The following AGPAT5 variants were observed in gnomAD, a reference collection of about 807,000 sequenced individuals.
AGPAT5 encodes the protein 1-acylglycerol-3-phosphate O-acyltransferase 5, also known as 1-acyl-sn-glycerol-3-phosphate acyltransferase epsilon.
AGPAT5 carries 46 observed loss-of-function variants against 45.6 expected under a neutral mutation model. The observed-to-expected ratio is 1.01, with a 90% CI of 0.80 to 1.29. The LOEUF is 1.29. Among genes scored for constraint, AGPAT5 ranks in the 50% most tolerant of loss-of-function variants. The pLI is 0.00. For synonymous variants in AGPAT5, 272 were observed against 167.0 expected (o/e 1.63, Z -4.85); for missense variants, 673 against 450.7 (o/e 1.49, Z -4.47).
At chr8:6,727,659 G>A (rs962225547) in intron 2 of AGPAT5, among the ~76,000 whole-genome samples, 1 of 152,246 alleles carries the variant, frequency 6.6e-6, no homozygotes, top group Non-Finnish European at 1.5e-5. Context: ...GGGATTACAG[G>A]CGTGAGCCAC....
At chr8:6,740,646 T>A in intron 4 of AGPAT5, among the ~76,000 whole-genome samples, 1 of 152,032 alleles carries the variant, frequency 6.6e-6, no homozygotes, top group Non-Finnish European at 1.5e-5. Context: ...ACGAAATTTT[T>A]AGATACCATT....
chr8:6,730,319 T>TGGATTGTTGCTGACATC, intron 2 of AGPAT5, among the ~76,000 whole-genome samples: 2 of 14,730 alleles, frequency 1.4e-4, no homozygotes, highest in Non-Finnish European at 2.5e-4. Flanking sequence ...ATCATAGGAC[T>TGGATTGTTGCTGACATC]TTTTTTTTTT....
chr8:6,732,599 C>A lies in AGPAT5; in HGVS notation c.444C>A (p.Asn148Lys). ...ATGTAAAGCGCAGTGCCAAATTTAA[C>A]GAGAAAGAGATGCGAAACAAGTTGC... Reference protein sequence around the residue: ...GIYVKRSAKFNEKEMRNKLQS... With the variant: ...GIYVKRSAKFKEKEMRNKLQS... The change falls in exon 4 of 8, where the codon AAC becomes AAA. Residue 148 changes from asparagine to lysine, a missense_variant. Coordinates refer to ENST00000285518, the MANE Select transcript of AGPAT5 (RefSeq NM_018361.5). 6.2e-7 allele frequency: 1 copy of A among 1,610,812 alleles called. No homozygotes were observed. Among genetic ancestry groups the A allele is most frequent in the Non-Finnish European group, 8.5e-7 (1 of 1,179,118 alleles).
rs182197525 is a variant in AGPAT5, at chr8:6,708,653, C to T, written c.-16C>T. Reference sequence around the variant, plus strand: ...CGGGGAGCGCAGGCGGAGCTCGCTGCCGCCGAGCTGAGAAGATGCTGCTGT... The same window carrying T: ...CGGGGAGCGCAGGCGGAGCTCGCTGTCGCCGAGCTGAGAAGATGCTGCTGT... On this transcript the variant is annotated 5_prime_UTR_variant, in exon 1 of 8. Coordinates refer to ENST00000285518, the MANE Select transcript of AGPAT5 (RefSeq NM_018361.5). The T allele has an allele frequency of 1.3e-6, 2 of 1,520,422 alleles. No homozygotes were observed. The highest frequency in any genetic ancestry group is 1.8e-6 in the Non-Finnish European group (2 of 1,138,546). 94.2% of individuals were successfully genotyped at this position (1,520,422 alleles called of 1,614,324 possible). A position where few individuals can be genotyped will look rare whatever the true frequency, so the allele number is the denominator to read the frequency against.
At chr8:6,735,848 CCTTTTTTTTTTT>C (rs1471435222) in intron 4 of AGPAT5, among the ~76,000 whole-genome samples, 5 of 53,614 alleles carry the variant, frequency 9.3e-5, no homozygotes, top group African/African-American at 1.7e-4. Flanking sequence ...CTTTATATAG[CCTTTTTTTTTTT>C]TTTTTTTTTT....
chr8:6,720,972 A>G (rs1307337934), intron 1 of AGPAT5, among the ~76,000 whole-genome samples: 2 of 152,222 alleles, frequency 1.3e-5, no homozygotes, highest in South Asian at 2.1e-4. Flanking sequence ...TTGCGTGTGA[A>G]GTACTATTTT....
At chr8:6,754,707 G>A (rs954882796) in intron 6 of AGPAT5, among the ~76,000 whole-genome samples, 3 of 152,150 alleles carry the variant, frequency 2.0e-5, no homozygotes, top group South Asian at 2.1e-4. Flanking sequence ...TCAGAGAGGT[G>A]AGTATGGACT....
intron 1 of AGPAT5, among the ~76,000 whole-genome samples, chr8:6,720,221 C>T (rs943302795): frequency 2.6e-5 from 4 of 151,092 alleles, no homozygotes; most frequent in African/African-American, 4.9e-5. Context: ...GAGGGCTTAT[C>T]GCTGGAACAT....
At chr8:6,747,157 G>A (rs1801501220) in intron 5 of AGPAT5, among the ~76,000 whole-genome samples, 2 of 152,198 alleles carry the variant, frequency 1.3e-5, no homozygotes, top group African/African-American at 4.8e-5. Flanking sequence ...TAAACAAAAT[G>A]TGATCTGTTC....
intron 1 of AGPAT5, among the ~76,000 whole-genome samples, chr8:6,719,794 A>G (rs3780084): frequency 0.015 from 2,325 of 152,258 alleles, 71 homozygotes; most frequent in East Asian, 0.13. Flanking sequence ...ATCTGCTCCT[A>G]ATGGTGGTAT....
At chr8:6,735,278 A>C (rs1223694582) in intron 4 of AGPAT5, among the ~76,000 whole-genome samples, 1 of 152,140 alleles carries the variant, frequency 6.6e-6, no homozygotes, top group Non-Finnish European at 1.5e-5. Context: ...AGAAAGAAGG[A>C]TGTGGGCTGG....
chr8:6,760,403 A>C lies in AGPAT5; in HGVS notation c.*3015A>C, dbSNP rs1014977220. On this transcript the variant is annotated 3_prime_UTR_variant, in exon 8 of 8. Transcript: ENST00000285518. ...ACAGCACGAGACCCCAACTCTTAGA[A>C]AATGAAAAGGAAATATAGAAATATA... is the stretch of plus-strand genomic sequence containing the variant. 1.3e-5 allele frequency among the ~76,000 whole-genome samples: 2 copies of C among 152,200 alleles called. No individual in the cohort carries two copies. Among genetic ancestry groups the C allele is most frequent in the Non-Finnish European group, 2.9e-5 (2 of 68,044 alleles).
At chr8:6,708,979 C>T in intron 1 of AGPAT5, 92 bp downstream of exon 1, 4 of 1,265,698 alleles carry the variant, frequency 3.2e-6, no homozygotes, top group African/African-American at 1.5e-5. Context: ...GAGGGTCACC[C>T]GGCCGGCCCG....
Position 6,757,534 on chromosome 8 carries a change from A to G in AGPAT5, c.*146A>G. ...ATTGGATAATAGAATTTGTGACGAAAGCTGATATGCAATGGTCTTGGGCAA... is the reference window on the plus strand; with the variant it reads ...ATTGGATAATAGAATTTGTGACGAAGGCTGATATGCAATGGTCTTGGGCAA... On this transcript the variant is annotated 3_prime_UTR_variant, in exon 8 of 8. Coordinates refer to ENST00000285518, the MANE Select transcript of AGPAT5 (RefSeq NM_018361.5). The G allele has an allele frequency of 1.5e-6, 1 of 672,260 alleles. No individual in the cohort carries two copies. Among genetic ancestry groups the G allele is most frequent in the Non-Finnish European group, 2.5e-6 (1 of 399,076 alleles). 41.6% of individuals were successfully genotyped at this position (672,260 alleles called of 1,614,324 possible).
intron 5 of AGPAT5, among the ~76,000 whole-genome samples, chr8:6,746,942 G>C (rs1408003172): frequency 6.6e-6 from 1 of 152,194 alleles, no homozygotes; most frequent in African/African-American, 2.4e-5. Flanking sequence ...AATGGGATTT[G>C]TTCTGGATAA....
In AGPAT5 at chr8:6,759,852, C is replaced by A. The variant is rs1801972428; in HGVS notation, c.*2464C>A. ...GTATATTAGTTTGGTTATATAAATT[C>A]ATCTGCAATTTATAAGATGCATGGC... is the stretch of plus-strand genomic sequence containing the variant. On this transcript the variant is annotated 3_prime_UTR_variant, in exon 8 of 8. Coordinates refer to ENST00000285518, the MANE Select transcript of AGPAT5 (RefSeq NM_018361.5). Among the ~76,000 whole-genome samples, 1 of 152,104 alleles carries A rather than the reference C, an allele frequency of 6.6e-6. No homozygotes were observed. Among genetic ancestry groups the A allele is most frequent in the African/African-American group, 2.4e-5 (1 of 41,398 alleles).
intron 4 of AGPAT5, among the ~76,000 whole-genome samples, chr8:6,735,838 C>T (rs1040988169): frequency 2.0e-4 from 24 of 118,250 alleles, no homozygotes; most frequent in Non-Finnish European, 1.1e-4. Flanking sequence ...CCTGTTTATT[C>T]TTTATATAGC....
rs1012593910 is a variant in AGPAT5, at chr8:6,759,474, A to C, written c.*2086A>C. ...CTGACTTGAATTATTTTCTAAAATT[A>C]AGAGCCGTATACCTACCTGTAAGTC... On this transcript the variant is annotated 3_prime_UTR_variant, in exon 8 of 8. Coordinates refer to ENST00000285518, the MANE Select transcript of AGPAT5 (RefSeq NM_018361.5). The C allele has an allele frequency of 1.3e-5, 2 of 152,208 alleles. No homozygotes were observed. The highest frequency in any genetic ancestry group is 2.9e-5 in the Non-Finnish European group (2 of 68,036). The allele number at this position is 152,208 out of a possible 1,614,324, so 9.4% of individuals were successfully genotyped here.
At chr8:6,736,878 A>G (rs1587037853) in intron 4 of AGPAT5, among the ~76,000 whole-genome samples, 1 of 152,362 alleles carries the variant, frequency 6.6e-6, no homozygotes, top group South Asian at 2.1e-4. Flanking sequence ...TAGAAGGTCC[A>G]TGGGTTTTGG....
Sources: allele counts gnomAD v4.1 joint callset (sites outside exome capture counted in the v4.1 genomes callset), GRCh38; gene constraint gnomAD v4.1.1; transcripts MANE v1.5; gene names NCBI Gene and HGNC (gene_info 2026-07-23, HGNC 2026-07-21).